CEP20: variants seen among roughly 807,000 people sequenced by gnomAD.
CEP20 encodes the protein centrosomal protein 20, also known as FGFR1OP N-terminal like.
Under a neutral mutation model 20.0 loss-of-function variants are expected in CEP20, and 18 were observed. The observed-to-expected ratio is 0.90, with a 90% CI of 0.62 to 1.34. The LOEUF (loss-of-function observed/expected upper bound fraction) is 1.34. Among genes scored for constraint, CEP20 ranks in the 40% most tolerant of loss-of-function variants. The pLI is 0.00. For synonymous variants in CEP20, 77 were observed against 73.7 expected (o/e 1.04, Z -0.23); for missense variants, 215 against 201.6 (o/e 1.07, Z -0.40).
intron 1 of CEP20, 59 bp from the exon 2 acceptor site, chr16:15,884,264 T>A (rs911490867): frequency 1.3e-6 from 2 of 1,486,024 alleles, no homozygotes; most frequent in African/African-American, 1.4e-5. Context: ...TTCTTAGGCA[T>A]ACTTTGAAAA....
chr16:15,878,466 C>T (rs1043086647), intron 3 of CEP20, among the ~76,000 whole-genome samples: 3 of 150,898 alleles, frequency 2.0e-5, no homozygotes, highest in African/African-American at 7.3e-5. Flanking sequence ...TCATTTAAAA[C>T]ATTTATATAG....
At chr16:15,877,340 T>C (rs1328877416) in intron 3 of CEP20, 1 of 152,326 alleles carries the variant, frequency 6.6e-6, no homozygotes, top group Non-Finnish European at 1.5e-5. Flanking sequence ...CATTGCTTAT[T>C]TCCATCAACT....
intron 1 of CEP20, chr16:15,886,088 T>TAC (rs2045239686): frequency 6.6e-6 from 1 of 152,222 alleles, no homozygotes; most frequent in Admixed American, 6.5e-5. Context: ...TACATTGCTG[T>TAC]ACACTACTGG....
At chr16:15,873,451 T>C (rs745958336) in intron 4 of CEP20, 40 bp downstream of exon 4, 2 of 1,585,332 alleles carry the variant, frequency 1.3e-6, no homozygotes, top group African/African-American at 2.7e-5. Context: ...AGAAAACATA[T>C]TTGCTGACAG....
intron 3 of CEP20, among the ~76,000 whole-genome samples, chr16:15,879,272 G>GTTTT (rs55646344): frequency 2.6e-5 from 4 of 151,778 alleles, no homozygotes; most frequent in Non-Finnish European, 4.4e-5. Context: ...TTTTGTTTTT[G>GTTTT]TTTTAGGAGA....
At chr16:15,872,644 G>A (rs2044848882) in intron 4 of CEP20, among the ~76,000 whole-genome samples, 1 of 152,068 alleles carries the variant, frequency 6.6e-6, no homozygotes, top group Non-Finnish European at 1.5e-5. Context: ...GGCAGTTCAA[G>A]GTTACGGTGA....
intron 2 of CEP20, among the ~76,000 whole-genome samples, chr16:15,881,372 G>C (rs997067865): frequency 6.6e-6 from 1 of 152,006 alleles, no homozygotes; most frequent in African/African-American, 2.4e-5. Context: ...GTATCATACA[G>C]CCATCTATAA....
intron 1 of CEP20, 136 bp downstream of exon 1, chr16:15,888,422 C>T (rs1176869790): frequency 1.7e-6 from 2 of 1,189,296 alleles, no homozygotes; most frequent in African/African-American, 1.5e-5. Flanking sequence ...CAGACGCTCC[C>T]CGCAGGCCCT....
intron 1 of CEP20, among the ~76,000 whole-genome samples, chr16:15,884,770 T>C (rs1388662893): frequency 1.3e-5 from 2 of 152,028 alleles, no homozygotes; most frequent in Admixed American, 6.6e-5. Context: ...TCCCAAAGTG[T>C]TGGGATTACA....
At chr16:15,884,542 C>T (rs1233277231) in intron 1 of CEP20, among the ~76,000 whole-genome samples, 4 of 152,112 alleles carry the variant, frequency 2.6e-5, no homozygotes, top group African/African-American at 9.7e-5. Context: ...CGCTCTTTCA[C>T]CCAGGCTGGA....
At chr16:15,878,321 C>T (rs1408497543) in intron 3 of CEP20, among the ~76,000 whole-genome samples, 4 of 152,066 alleles carry the variant, frequency 2.6e-5, no homozygotes, top group South Asian at 2.1e-4. Context: ...GAACAACAGA[C>T]GGGTAGAAAG....
intron 2 of CEP20, among the ~76,000 whole-genome samples, chr16:15,882,766 T>TACA (rs1445128148): frequency 1.9e-5 from 2 of 105,612 alleles, no homozygotes; most frequent in African/African-American, 7.2e-5. Context: ...TATCTATCTA[T>TACA]CTATCTATCT....
In CEP20 at chr16:15,867,472, C is replaced by T; in HGVS notation, c.493G>A (p.Asp165Asn). 1 of 1,603,368 alleles carries T rather than the reference C, an allele frequency of 6.2e-7. No homozygotes were observed. ...TTGACTGCCTGAGAAACATGAAGATCTTCAATGTTAGTACTTTTCTGTTCC... is the reference window on the plus strand; with the variant it reads ...TTGACTGCCTGAGAAACATGAAGATTTTCAATGTTAGTACTTTTCTGTTCC... The part of the protein sequence containing the change: ...KEEQKSTNIE[D>N]LHVSQAVNR Residue 165 changes from aspartate to asparagine, a missense_variant, in exon 5 of 5, where the codon GAT (aspartate) becomes AAT (asparagine). Coordinates refer to ENST00000255759, the MANE Select transcript of CEP20 (RefSeq NM_144600.4).
In CEP20 at chr16:15,868,399, G is replaced by C. The variant is rs527771250; in HGVS notation, c.449-883C>G. ...GATCGTGCCACTGCACTCCAGCCTG[G>C]GCGACAGAGCAAGACTCTTGTCTCG... On this transcript the variant is annotated intron_variant, in intron 4 of 4. Transcript: ENST00000255759. 2.0e-5 allele frequency among the ~76,000 whole-genome samples: 3 copies of C among 152,110 alleles called. No individual in the cohort carries two copies. In the South Asian group the frequency reaches 6.2e-4, roughly 32 times the overall value.
chr16:15,883,120 G>A (rs138914073), intron 2 of CEP20: 1 of 152,348 alleles, frequency 6.6e-6, no homozygotes, highest in African/African-American at 2.4e-5. Context: ...CCAGCATTTG[G>A]GGAGTGTGAG....
chr16:15,875,892 A>G (rs2044932024), intron 3 of CEP20, among the ~76,000 whole-genome samples: 1 of 152,016 alleles, frequency 6.6e-6, no homozygotes, highest in Non-Finnish European at 1.5e-5. Context: ...TGAGGTCGGG[A>G]GTTCAAGACC....
At chr16:15,872,352 G>A (rs76312987) in intron 4 of CEP20, among the ~76,000 whole-genome samples, 10,197 of 151,804 alleles carry the variant, frequency 0.067, 458 homozygotes, top group East Asian at 0.22. Flanking sequence ...TACCACAACT[G>A]AAAACACTGA....
At chr16:15,868,283 C>G (rs754747986) in intron 4 of CEP20, among the ~76,000 whole-genome samples, 3 of 151,886 alleles carry the variant, frequency 2.0e-5, no homozygotes, top group Middle Eastern at 3.2e-3. Context: ...ATTAGCCAGG[C>G]GTGGTGGCGG....
chr16:15,869,396 C>T (rs1184182842), intron 4 of CEP20, among the ~76,000 whole-genome samples: 4 of 151,562 alleles, frequency 2.6e-5, no homozygotes, highest in East Asian at 2.0e-4. Context: ...CTGCAACCTC[C>T]ACCTCCTGGG....
Sources: allele counts gnomAD v4.1 joint callset (sites outside exome capture counted in the v4.1 genomes callset), GRCh38; gene constraint gnomAD v4.1.1; transcripts MANE v1.5; gene names NCBI Gene and HGNC (gene_info 2026-07-23, HGNC 2026-07-21).